PLCL1: variants seen among roughly 807,000 people sequenced by gnomAD.
PLCL1 encodes phospholipase C like 1 (inactive).
Under a neutral mutation model 84.4 loss-of-function variants are expected in PLCL1, and 41 were observed. The observed-to-expected ratio is 0.49, with a 90% CI of 0.38 to 0.63. The LOEUF (loss-of-function observed/expected upper bound fraction) is 0.63, where lower values mean the gene tolerates loss of function less well. Among genes scored for constraint, PLCL1 ranks in the 30% least tolerant of loss-of-function variants. The pLI is 0.00. For synonymous variants in PLCL1, 490 were observed against 488.3 expected, an observed-to-expected ratio of 1.00 and a Z score of -0.05; for missense variants, 1,206 against 1,367.8, an observed-to-expected ratio of 0.88 and a Z score of 1.87.
At position 197,949,302 on chromosome 2, in the gene PLCL1, C is replaced by T. The variant is rs550598667; in HGVS notation, c.241-134456C>T. ...ACTGTTCCCAGACTATATTCAGATGCCCAGATTTGTGAATGAGCAGGTGGA... is the reference window on the plus strand; with the variant it reads ...ACTGTTCCCAGACTATATTCAGATGTCCAGATTTGTGAATGAGCAGGTGGA... On this transcript the variant is annotated intron_variant, in intron 1 of 5. Coordinates refer to ENST00000428675, the MANE Select transcript of PLCL1 (RefSeq NM_006226.4). Among the ~76,000 whole-genome samples the T allele has an allele frequency of 2.6e-5, 4 of 152,200 alleles. No homozygotes were observed. In the East Asian group the frequency reaches 7.7e-4, roughly 29 times the overall value.
intron 1 of PLCL1, among the ~76,000 whole-genome samples, chr2:197,934,642 G>C (rs1181232169): frequency 2.6e-5 from 4 of 151,968 alleles, no homozygotes; most frequent in Admixed American, 6.6e-5. Flanking sequence ...ATATTTTATA[G>C]TTGACAAAAA....
intron 1 of PLCL1, among the ~76,000 whole-genome samples, chr2:197,859,499 A>T (rs952291921): frequency 3.3e-5 from 5 of 152,142 alleles, no homozygotes; most frequent in African/African-American, 1.2e-4. Context: ...TTCAGTTTAT[A>T]TCTGTGAAAT....
At chr2:198,025,301 T>C (rs970628891) in intron 1 of PLCL1, among the ~76,000 whole-genome samples, 1 of 152,124 alleles carries the variant, frequency 6.6e-6, no homozygotes, top group Non-Finnish European at 1.5e-5. Context: ...AAGATAATAA[T>C]ATGAATATTT....
chr2:198,040,980 C>T (rs112464145), intron 1 of PLCL1, among the ~76,000 whole-genome samples: 2 of 152,234 alleles, frequency 1.3e-5, no homozygotes, highest in African/African-American at 2.4e-5. Flanking sequence ...AAGCCCTGGC[C>T]AATGGGGGGT....
intron 1 of PLCL1, among the ~76,000 whole-genome samples, chr2:198,024,124 C>T (rs986305003): frequency 1.1e-4 from 17 of 152,250 alleles, no homozygotes; most frequent in African/African-American, 3.9e-4. Flanking sequence ...TGGAAATCAT[C>T]ATTCTCAGCA....
chr2:198,141,590 T>G (rs531452762), intron 5 of PLCL1, among the ~76,000 whole-genome samples: 1 of 152,236 alleles, frequency 6.6e-6, no homozygotes, highest in East Asian at 1.9e-4. Context: ...GAGCAAAGGA[T>G]TAAACTTCTT....
chr2:198,090,135 TAGAA>T lies in PLCL1; in HGVS notation c.2919+1078_2919+1081del, dbSNP rs377702441. 2.8e-4 allele frequency among the ~76,000 whole-genome samples: 42 copies of T among 152,262 alleles called. No homozygotes were observed. In the East Asian group the frequency reaches 6.2e-3, roughly 22 times the overall value. On this transcript the variant is annotated intron_variant, in intron 3 of 5. Transcript: ENST00000428675. ...AAACATTTATGTTAATAATTCAACA[TAGAA>T]AGATTAGCTAAGTGAAATATAATAA... is the stretch of plus-strand genomic sequence containing the variant.
intron 1 of PLCL1, among the ~76,000 whole-genome samples, chr2:197,946,200 T>C (rs1689267239): frequency 6.6e-6 from 1 of 152,074 alleles, no homozygotes; most frequent in African/African-American, 2.4e-5. Flanking sequence ...ATATTTGGAG[T>C]AGAAGAGGCT....
At chr2:197,976,361 C>T (rs1306819451) in intron 1 of PLCL1, among the ~76,000 whole-genome samples, 1 of 152,212 alleles carries the variant, frequency 6.6e-6, no homozygotes, top group African/African-American at 2.4e-5. Context: ...ATGGAAACTG[C>T]TAAACACTTT....
At chr2:197,921,999 CTT>C (rs34033380) in intron 1 of PLCL1, among the ~76,000 whole-genome samples, 19 of 121,666 alleles carry the variant, frequency 1.6e-4, no homozygotes, top group South Asian at 1.3e-3. Flanking sequence ...TTGATAAATT[CTT>C]TTTTTTTTTT....
chr2:198,071,366 A>C, intron 1 of PLCL1, among the ~76,000 whole-genome samples: 1 of 151,904 alleles, frequency 6.6e-6, no homozygotes. Flanking sequence ...AATTCCTAAA[A>C]ATTAAATTGC....
intron 3 of PLCL1, among the ~76,000 whole-genome samples, chr2:198,097,952 C>A (rs560783037): frequency 6.6e-6 from 1 of 152,186 alleles, no homozygotes; most frequent in Non-Finnish European, 1.5e-5. Flanking sequence ...TTATTTGTTT[C>A]ATTTTAAATA....
chr2:198,132,880 G>A (rs1455336453), intron 5 of PLCL1, among the ~76,000 whole-genome samples: 19 of 151,828 alleles, frequency 1.3e-4, no homozygotes, highest in Admixed American at 1.1e-3. Context: ...TGCTTTTGGT[G>A]TTTTGGACAT....
rs139383629 is a variant in PLCL1, at chr2:197,919,238, A to G, written c.240+113899A>G. Among the ~76,000 whole-genome samples the G allele has an allele frequency of 3.5e-3, 529 of 152,326 alleles. 4 individuals carry two copies. Among genetic ancestry groups the G allele is most frequent in the African/African-American group, 0.012 (491 of 41,576 alleles). ...TGGACAGGACATAATGTGCATGTCT[A>G]TAGACAAGAATTGTTTTGTATTGCA... is the stretch of plus-strand genomic sequence containing the variant. On this transcript the variant is annotated intron_variant, in intron 1 of 5. Transcript: ENST00000428675.
At chr2:197,937,788 TA>T (rs1417367000) in intron 1 of PLCL1, among the ~76,000 whole-genome samples, 2 of 152,144 alleles carry the variant, frequency 1.3e-5, no homozygotes, top group Non-Finnish European at 2.9e-5. Flanking sequence ...ACAAAAGGAT[TA>T]AAAGAACTTA....
At chr2:198,033,804 G>A (rs1638479885) in intron 1 of PLCL1, among the ~76,000 whole-genome samples, 1 of 152,000 alleles carries the variant, frequency 6.6e-6, no homozygotes, top group South Asian at 2.1e-4. Flanking sequence ...CCCTCAAGCT[G>A]GCTATTTCCT....
Position 198,085,260 on chromosome 2 carries a change from C to T in PLCL1, c.1743C>T (p.Leu581=). Residue 581 remains leucine (L), a synonymous_variant, in exon 2 of 6, where the codon CTC becomes CTT. Transcript: ENST00000428675. The surrounding 1 kb of genome is among the most constrained non-coding windows in gnomAD (Gnocchi z 5.3). Reference sequence around the variant, plus strand: ...ATGGTGAGCAGAAGCAAATCCGACTCTGTAGGGAGCTCTCTGATTTGGTGT... The same window carrying T: ...ATGGTGAGCAGAAGCAAATCCGACTTTGTAGGGAGCTCTCTGATTTGGTGT... ...DYNGEQKQIR[L]CRELSDLVSI... 1 of 1,614,016 alleles carries T rather than the reference C, an allele frequency of 6.2e-7. No homozygotes were observed. The highest frequency in any genetic ancestry group is 8.5e-7 in the Non-Finnish European group (1 of 1,179,916).
chr2:197,917,774 TGTA>T (rs1039970316), intron 1 of PLCL1, among the ~76,000 whole-genome samples: 3 of 152,132 alleles, frequency 2.0e-5, no homozygotes, highest in African/African-American at 7.2e-5. Flanking sequence ...TGTAGTATCT[TGTA>T]GTGCCATGAA....
rs560559328 is a variant in PLCL1 at position 197,988,559 on chromosome 2, T to A, written c.241-95199T>A. On this transcript the variant is annotated intron_variant, in intron 1 of 5. Transcript: ENST00000428675. Reference sequence around the variant, plus strand: ...GCTGCAAAAGATGTTATTTCATTCTTTTTTAATGGCTGAGTAGTATTCCAT... The same window carrying A: ...GCTGCAAAAGATGTTATTTCATTCTATTTTAATGGCTGAGTAGTATTCCAT... 4.0e-4 allele frequency among the ~76,000 whole-genome samples: 61 copies of A among 152,344 alleles called. No individual in the cohort carries two copies. The Middle Eastern group carries it at 0.01, about 25-fold the overall frequency.
Sources: allele counts gnomAD v4.1 joint callset (sites outside exome capture counted in the v4.1 genomes callset), GRCh38; gene constraint gnomAD v4.1.1; non-coding constraint Gnocchi (gnomAD v3.1); transcripts MANE v1.5; gene names NCBI Gene and HGNC (gene_info 2026-07-23, HGNC 2026-07-21).